ATF6: variants seen among roughly 807,000 people sequenced by gnomAD.
The protein encoded by ATF6 is activating transcription factor 6.
Under a neutral mutation model 83.6 loss-of-function variants are expected in ATF6, and 53 were observed. That is an observed-to-expected ratio of 0.63 (90% CI 0.51 to 0.80). The LOEUF is 0.80. ATF6 is among the 30% of genes least tolerant of loss of function. The pLI is 0.00. For synonymous variants in ATF6, 288 were observed against 285.8 expected, an observed-to-expected ratio of 1.01 and a Z score of -0.08; for missense variants, 744 against 797.9, an observed-to-expected ratio of 0.93 and a Z score of 0.81.
chr1:161,809,746 G>A (rs867626330), intron 7 of ATF6, among the ~76,000 whole-genome samples: 5 of 152,214 alleles, frequency 3.3e-5, no homozygotes, highest in African/African-American at 7.2e-5. Context: ...ACTGGTGTGA[G>A]ATGGTATCTC....
At chr1:161,852,528 G>A (rs1271934325) in intron 11 of ATF6, among the ~76,000 whole-genome samples, 1 of 152,114 alleles carries the variant, frequency 6.6e-6, no homozygotes, top group African/African-American at 2.4e-5. Context: ...CCTATGACTT[G>A]TTAAGTTCTC....
intron 12 of ATF6, among the ~76,000 whole-genome samples, chr1:161,855,634 AG>A (rs1686739957): frequency 6.6e-6 from 1 of 152,196 alleles, no homozygotes. Flanking sequence ...CCAACATTAC[AG>A]GTTGAAAGAG....
intron 7 of ATF6, among the ~76,000 whole-genome samples, chr1:161,806,822 G>T (rs1685293717): frequency 6.6e-6 from 1 of 151,992 alleles, no homozygotes; most frequent in African/African-American, 2.4e-5. Flanking sequence ...GGTGCGAAGG[G>T]GATTCTCCTG....
chr1:161,953,726 A>C (rs1479059242), intron 15 of ATF6, among the ~76,000 whole-genome samples: 2 of 152,106 alleles, frequency 1.3e-5, no homozygotes, highest in Non-Finnish European at 2.9e-5. Context: ...TGAGTTTGGA[A>C]GCACTTACCC....
rs1400693381 is a variant in ATF6 at position 161,768,602 on chromosome 1, C to T, written c.82+2160C>T. ...TTTTAGAGACAGGGTCTTGCTCTGTCGCCCAGGCTGGAGTGCGGTGATGCA... is the reference window on the plus strand; with the variant it reads ...TTTTAGAGACAGGGTCTTGCTCTGTTGCCCAGGCTGGAGTGCGGTGATGCA... On this transcript the variant is annotated intron_variant, in intron 1 of 15. Coordinates refer to ENST00000367942, the MANE Select transcript of ATF6 (RefSeq NM_007348.4). Among the ~76,000 whole-genome samples the T allele has an allele frequency of 2.0e-5, 3 of 151,914 alleles. No individual in the cohort carries two copies. In the East Asian group the frequency reaches 5.8e-4, roughly 29 times the overall value.
At chr1:161,957,320 A>T (rs1688988444) in intron 15 of ATF6, among the ~76,000 whole-genome samples, 1 of 152,214 alleles carries the variant, frequency 6.6e-6, no homozygotes, top group Non-Finnish European at 1.5e-5. Context: ...TGTTGCCGGC[A>T]GTTCTTCCCC....
rs375366825 is a variant in ATF6 at position 161,863,272 on chromosome 1, G to A, written c.1679G>A (p.Arg560His). 1.2e-5 allele frequency: 19 copies of A among 1,612,506 alleles called. No individual in the cohort carries two copies. The African/African-American group carries it at 1.3e-4, about 11-fold the overall frequency. ...RSYQDFFEAI[R>H]RRGDTFYVVS... is the part of the protein sequence containing the mutation. ...TATCAAGACTTTTTTGAAGCCATCCGCAGAAGGGGAGACACATTTTATGTT... is the reference window on the plus strand; with the variant it reads ...TATCAAGACTTTTTTGAAGCCATCCACAGAAGGGGAGACACATTTTATGTT... Residue 560 changes from arginine to histidine, a missense_variant, in exon 14 of 16, where the codon CGC becomes CAC. Physicochemically the swap from Arg to His is conservative, Grantham distance 29 (BLOSUM62 0). Transcript: ENST00000367942.
At chr1:161,783,401 A>G (rs562515576) in intron 3 of ATF6, among the ~76,000 whole-genome samples, 37 of 152,198 alleles carry the variant, frequency 2.4e-4, no homozygotes, top group African/African-American at 5.1e-4. Context: ...ACCCTATTCT[A>G]TCTTTGACAC....
intron 14 of ATF6, among the ~76,000 whole-genome samples, chr1:161,908,530 C>T (rs1687922360): frequency 6.6e-6 from 1 of 151,344 alleles, no homozygotes; most frequent in African/African-American, 2.4e-5. Context: ...TCTCCCCGCC[C>T]CCTCCCCTCC....
Position 161,907,550 on chromosome 1 carries a change from CA to C in ATF6, c.1720-4745del, listed in dbSNP as rs1382933968. On this transcript the variant is annotated intron_variant, in intron 14 of 15. Coordinates refer to ENST00000367942, the MANE Select transcript of ATF6 (RefSeq NM_007348.4). ...AGTGTCACAAGTGCAGCCTGAGTTTCATTCATTTCTAGGGGAAATTATGATA... is the reference window on the plus strand; with the variant it reads ...AGTGTCACAAGTGCAGCCTGAGTTTCTTCATTTCTAGGGGAAATTATGATA... Among the ~76,000 whole-genome samples the C allele has an allele frequency of 2.0e-5, 3 of 152,270 alleles. No individual in the cohort carries two copies. The East Asian group carries it at 5.8e-4, about 29-fold the overall frequency.
chr1:161,953,463 C>G (rs2101920768), intron 15 of ATF6, among the ~76,000 whole-genome samples: 1 of 152,234 alleles, frequency 6.6e-6, no homozygotes, highest in Non-Finnish European at 1.5e-5. Flanking sequence ...TCTAACTAGA[C>G]AAGCTCTCCC....
chr1:161,878,527 T>G (rs1306223457), intron 14 of ATF6, among the ~76,000 whole-genome samples: 2 of 151,518 alleles, frequency 1.3e-5, no homozygotes, highest in Non-Finnish European at 2.9e-5. Flanking sequence ...TGGAGAAGGA[T>G]GAGAGCAGCA....
intron 9 of ATF6, among the ~76,000 whole-genome samples, chr1:161,834,597 G>C (rs1182888943): frequency 1.4e-5 from 2 of 142,822 alleles, no homozygotes; most frequent in East Asian, 4.2e-4. Flanking sequence ...GACACAGAAA[G>C]GGGAACATCA....
intron 9 of ATF6, among the ~76,000 whole-genome samples, chr1:161,845,584 A>T (rs994306533): frequency 4.6e-5 from 7 of 152,006 alleles, no homozygotes; most frequent in African/African-American, 1.7e-4. Context: ...TCTGGGCAAC[A>T]TAGTGAGACC....
In ATF6 at chr1:161,961,605, G is replaced by A. The variant is rs1355210687; in HGVS notation, c.*2951G>A. The stretch of plus-strand genomic sequence containing the variant: ...TTTTTTTTTGGTGGGATTGCCTTTT[G>A]GGGGTTGCAGCCAGAAATTGTGGGT... On this transcript the variant is annotated 3_prime_UTR_variant, in exon 16 of 16. Transcript: ENST00000367942. The A allele has an allele frequency of 2.0e-5, 3 of 147,526 alleles. No individual in the cohort carries two copies. Among genetic ancestry groups the A allele is most frequent in the Non-Finnish European group, 4.5e-5 (3 of 66,758 alleles). The allele number at this position is 147,526 out of a possible 1,614,324, so 9.1% of individuals were successfully genotyped here. A position where few individuals can be genotyped will look rare whatever the true frequency, so the allele number is the denominator to read the frequency against.
chr1:161,816,191 G>A (rs866243623), intron 7 of ATF6, among the ~76,000 whole-genome samples: 1 of 152,220 alleles, frequency 6.6e-6, no homozygotes, highest in Non-Finnish European at 1.5e-5. Context: ...AAGGCAAGAT[G>A]CCTGGTGGGA....
rs1329148772 is a variant in ATF6 at position 161,961,922 on chromosome 1, C to T, written c.*3268C>T. On this transcript the variant is annotated 3_prime_UTR_variant, in exon 16 of 16. Transcript: ENST00000367942. ...TGTCCCTTTGGGGTTGACTTATGCC[C>T]AGCAGTACAGGGACACAGCTTCATT... 2 of 152,138 alleles carry T rather than the reference C, an allele frequency of 1.3e-5. No individual in the cohort carries two copies. The highest frequency in any genetic ancestry group is 6.6e-5 in the Admixed American group (1 of 15,264). 9.4% of individuals were successfully genotyped at this position (152,138 alleles called of 1,614,324 possible).
chr1:161,814,605 G>A (rs1557974763), intron 7 of ATF6, among the ~76,000 whole-genome samples: 1 of 152,100 alleles, frequency 6.6e-6, no homozygotes, highest in Non-Finnish European at 1.5e-5. Flanking sequence ...TTAATTTTTG[G>A]CAAATGGGAG....
intron 1 of ATF6, among the ~76,000 whole-genome samples, chr1:161,774,865 A>G (rs1684478457): frequency 6.6e-6 from 1 of 152,196 alleles, no homozygotes; most frequent in Non-Finnish European, 1.5e-5. Context: ...AGTGTCCTTT[A>G]ATCTGGAACA....
Sources: gnomAD v4.1 joint callset for allele counts (sites outside exome capture counted in the v4.1 genomes callset) on GRCh38, gnomAD v4.1.1 for gene constraint, MANE v1.5 for transcripts, NCBI Gene and HGNC (gene_info 2026-07-23, HGNC 2026-07-21) for gene names.